The following LRTM1 variants were observed in gnomAD, a reference collection of about 807,000 sequenced individuals.
LRTM1 encodes leucine rich repeat transmembrane protein 1.
In LRTM1, 38 loss-of-function variants were observed where a neutral mutation model predicts 32.4. The observed-to-expected ratio is 1.17, with a 90% CI of 0.91 to 1.54. LRTM1 has a LOEUF of 1.54. Among genes scored for constraint, LRTM1 ranks in the 40% most tolerant of loss-of-function variants. The pLI, the probability that LRTM1 is intolerant of heterozygous loss-of-function variation, is 0.00. For missense variants in LRTM1, 466 were observed against 415.4 expected (o/e 1.12, Z -1.06); for synonymous variants, 186 against 169.9 (o/e 1.09, Z -0.74).
At chr3:54,937,839 G>A (rs1393025168) in intron 1 of LRTM1, among the ~76,000 whole-genome samples, 1 of 152,160 alleles carries the variant, frequency 6.6e-6, no homozygotes, top group East Asian at 1.9e-4. Context: ...ACAGCACAGA[G>A]GGTGAGGAAG....
Position 54,924,611 on chromosome 3 carries a change from T to C in LRTM1, c.604+8A>G, listed in dbSNP as rs764752335. ...ACAGATGGGGGGTTCCAAATAGACATGACTGACCTTTATAGACAAATTTCT... is the reference window on the plus strand; with the variant it reads ...ACAGATGGGGGGTTCCAAATAGACACGACTGACCTTTATAGACAAATTTCT... On this transcript the variant is annotated splice_region_variant and intron_variant, in intron 2 of 2. Transcript: ENST00000273286. 1 of 1,606,976 alleles carries C rather than the reference T, an allele frequency of 6.2e-7. No homozygotes were observed. The highest frequency in any genetic ancestry group is 8.5e-7 in the Non-Finnish European group (1 of 1,174,026).
chr3:54,929,676 G>A (rs80191133), upstream of LRTM1, among the ~76,000 whole-genome samples: 15,000 of 152,168 alleles, frequency 0.099, 833 homozygotes, highest in Non-Finnish European at 0.12. Context: ...AAAGTCAGGT[G>A]TAGGTGACAA....
chr3:54,940,193 A>C (rs1418744601), intron 1 of LRTM1, among the ~76,000 whole-genome samples: 1 of 152,144 alleles, frequency 6.6e-6, no homozygotes, highest in East Asian at 1.9e-4. Flanking sequence ...AGATTAGCTA[A>C]CTTTTGAGAC....
chr3:54,956,363 C>A (rs1701892608), intron 1 of LRTM1, among the ~76,000 whole-genome samples: 1 of 152,274 alleles, frequency 6.6e-6, no homozygotes, highest in South Asian at 2.1e-4. Flanking sequence ...TCTTGTTGAC[C>A]CACCACCAAG....
chr3:54,919,158 C>T (rs1456930715), intron 2 of LRTM1, among the ~76,000 whole-genome samples: 1 of 152,142 alleles, frequency 6.6e-6, no homozygotes, highest in African/African-American at 2.4e-5. Flanking sequence ...TCTCTAAATG[C>T]TCAGAGAAAA....
At chr3:54,929,659 A>G (rs1382548666), upstream of LRTM1, among the ~76,000 whole-genome samples, 1 of 152,130 alleles carries the variant, frequency 6.6e-6, no homozygotes, top group Admixed American at 6.5e-5. Flanking sequence ...CACACATACA[A>G]TGGGCAAAAG....
At chr3:54,932,088 A>G (rs908954545), upstream of LRTM1, among the ~76,000 whole-genome samples, 1 of 152,156 alleles carries the variant, frequency 6.6e-6, no homozygotes, top group African/African-American at 2.4e-5. Context: ...AGGCTGAGGT[A>G]GGAGGATCAC....
At chr3:54,929,289 A>G (rs116638426), upstream of LRTM1, among the ~76,000 whole-genome samples, 490 of 152,284 alleles carry the variant, frequency 3.2e-3, 2 homozygotes, top group African/African-American at 0.011. Flanking sequence ...GAGTGTCTTC[A>G]TAAGTGTTCA....
upstream of LRTM1, among the ~76,000 whole-genome samples, chr3:54,932,833 G>T (rs1701224660): frequency 6.6e-6 from 1 of 152,228 alleles, no homozygotes; most frequent in Non-Finnish European, 1.5e-5. Context: ...GCCAGGCCTA[G>T]TGACAGCTGC....
At chr3:54,944,812 GGGGTGTGTGT>G (rs1182601285) in intron 1 of LRTM1, among the ~76,000 whole-genome samples, 5 of 146,268 alleles carry the variant, frequency 3.4e-5, no homozygotes, top group African/African-American at 1.3e-4. Context: ...GTTAGAGCTG[GGGGTGTGTGT>G]GTGTGTGTGT....
chr3:54,936,434 G>A (rs145131917), intron 1 of LRTM1, among the ~76,000 whole-genome samples: 10 of 152,136 alleles, frequency 6.6e-5, no homozygotes, highest in Admixed American at 5.2e-4. Context: ...CATCAAAGTC[G>A]CTCCACAAAC....
intron 2 of LRTM1, among the ~76,000 whole-genome samples, chr3:54,922,689 C>T (rs1342983322): frequency 6.6e-6 from 1 of 152,156 alleles, no homozygotes; most frequent in East Asian, 1.9e-4. Flanking sequence ...GCTCCAACAT[C>T]TTCCTGAGCT....
At chr3:54,956,019 C>T (rs376476206) in intron 1 of LRTM1, among the ~76,000 whole-genome samples, 4 of 152,174 alleles carry the variant, frequency 2.6e-5, no homozygotes, top group Non-Finnish European at 5.9e-5. Context: ...GAAAAAAGTG[C>T]GTGATTACTC....
At chr3:54,951,815 C>G (rs1701764723) in intron 1 of LRTM1, among the ~76,000 whole-genome samples, 1 of 152,158 alleles carries the variant, frequency 6.6e-6, no homozygotes, top group Non-Finnish European at 1.5e-5. Flanking sequence ...CTCAGTAATT[C>G]TATTTTCTGT....
chr3:54,964,057 C>T (rs911616942), intron 1 of LRTM1, among the ~76,000 whole-genome samples: 1 of 152,112 alleles, frequency 6.6e-6, no homozygotes, highest in Non-Finnish European at 1.5e-5. Context: ...GGATTCTGGG[C>T]TCTTTGAGAT....
At chr3:54,939,207 T>C (rs1701399207) in intron 1 of LRTM1, among the ~76,000 whole-genome samples, 2 of 152,162 alleles carry the variant, frequency 1.3e-5, no homozygotes, top group Non-Finnish European at 2.9e-5. Context: ...ACAGGGTGCT[T>C]TACCTGGAAA....
At chr3:54,923,259 C>G (rs1488012519) in intron 2 of LRTM1, among the ~76,000 whole-genome samples, 1 of 152,166 alleles carries the variant, frequency 6.6e-6, no homozygotes, top group African/African-American at 2.4e-5. Context: ...CTGGTGTTGT[C>G]TTGTCTGTGT....
chr3:54,929,296 T>G (rs1701120396), upstream of LRTM1, among the ~76,000 whole-genome samples: 1 of 152,136 alleles, frequency 6.6e-6, no homozygotes, highest in Non-Finnish European at 1.5e-5. Flanking sequence ...TTCATAAGTG[T>G]TCACAATTTT....
intron 2 of LRTM1, among the ~76,000 whole-genome samples, chr3:54,923,638 G>T (rs1380215662): frequency 6.6e-6 from 1 of 152,172 alleles, no homozygotes; most frequent in East Asian, 1.9e-4. Flanking sequence ...TCAGTGCCTG[G>T]CATACAAAAG....
Sources: allele counts gnomAD v4.1 joint callset (sites outside exome capture counted in the v4.1 genomes callset), GRCh38; gene constraint gnomAD v4.1.1; transcripts MANE v1.5; gene names NCBI Gene and HGNC (gene_info 2026-07-23, HGNC 2026-07-21).